Variants in SV2C observed in about 807,000 individuals in gnomAD.
The protein encoded by SV2C is synaptic vesicle glycoprotein 2C, also known as solute carrier family 22 member B3.
A neutral mutation model predicts 79.7 loss-of-function variants in SV2C; 49 were observed. The observed-to-expected ratio is 0.61, with a 90% CI of 0.49 to 0.78. SV2C has a LOEUF of 0.78. SV2C is among the 30% of genes least tolerant of loss of function. The pLI, the probability that SV2C is intolerant of heterozygous loss-of-function variation, is 0.00. For missense variants in SV2C, 833 were observed against 912.9 expected (o/e 0.91, Z 1.13); for synonymous variants, 334 against 333.2 (o/e 1.00, Z -0.03).
chr5:76,049,051 G>A, the SV2C span, among the ~76,000 whole-genome samples: 2 of 126,946 alleles, frequency 1.6e-5, no homozygotes, highest in Non-Finnish European at 1.7e-5. Flanking sequence ...GGAGGGGAGG[G>A]GAGGGGCTGG....
the SV2C span, among the ~76,000 whole-genome samples, chr5:76,045,483 A>C: frequency 1.3e-5 from 2 of 152,220 alleles, no homozygotes; most frequent in African/African-American, 2.4e-5. Context: ...AATAGCATTG[A>C]AACTATAAAT....
At chr5:76,020,349 T>A in the SV2C span, among the ~76,000 whole-genome samples, 2 of 152,184 alleles carry the variant, frequency 1.3e-5, no homozygotes, top group African/African-American at 4.8e-5. Context: ...TATGGACCAA[T>A]GGCCATTGTA....
intron 4 of SV2C, among the ~76,000 whole-genome samples, chr5:76,216,971 T>A (rs1744922088): frequency 6.6e-6 from 1 of 152,240 alleles, no homozygotes; most frequent in African/African-American, 2.4e-5. Flanking sequence ...CATGTGCGCA[T>A]CAGATGAGGT....
intron 4 of SV2C, among the ~76,000 whole-genome samples, chr5:76,251,957 A>C (rs1189316623): frequency 6.6e-6 from 1 of 152,202 alleles, no homozygotes; most frequent in Non-Finnish European, 1.5e-5. Flanking sequence ...TACCTCATTC[A>C]AGCCTGCAGA....
At chr5:76,268,414 T>C (rs1287955743) in intron 4 of SV2C, among the ~76,000 whole-genome samples, 2 of 152,180 alleles carry the variant, frequency 1.3e-5, no homozygotes, top group Non-Finnish European at 2.9e-5. Flanking sequence ...AAGAGAACAC[T>C]GATTCCCAGC....
chr5:76,104,961 G>T (rs1747860540), intron 1 of SV2C, among the ~76,000 whole-genome samples: 1 of 152,178 alleles, frequency 6.6e-6, no homozygotes, highest in Non-Finnish European at 1.5e-5. Flanking sequence ...TGCAGAAGCT[G>T]TCTCTATGGG....
At chr5:76,171,719 A>G (rs1743272024) in intron 2 of SV2C, among the ~76,000 whole-genome samples, 1 of 128,778 alleles carries the variant, frequency 7.8e-6, no homozygotes, top group Non-Finnish European at 1.7e-5. Context: ...TGGGGGGGTC[A>G]GCCCCCCGCC....
chr5:76,173,652 T>A, intron 2 of SV2C: 1 of 1,613,562 alleles, frequency 6.2e-7, no homozygotes, highest in East Asian at 2.2e-5. Flanking sequence ...CATGATGACT[T>A]TTTGCGAGCC....
rs567447761 is a variant in SV2C at position 76,118,949 on chromosome 5, C to A, written c.-101-12701C>A. Among the ~76,000 whole-genome samples, 8 of 152,284 alleles carry A rather than the reference C, an allele frequency of 5.3e-5. No homozygotes were observed. In the South Asian group the frequency reaches 1.7e-3, roughly 32 times the overall value. Reference sequence around the variant, plus strand: ...GGTGAGCCAAGATCGTGCCACTGTACTCCAGCCTGGGCAACAAAGCGAGAC... The same window carrying A: ...GGTGAGCCAAGATCGTGCCACTGTAATCCAGCCTGGGCAACAAAGCGAGAC... On this transcript the variant is annotated intron_variant, in intron 1 of 12. Coordinates refer to ENST00000502798, the MANE Select transcript of SV2C (RefSeq NM_014979.4).
At chr5:76,223,569 A>C (rs1208922158) in intron 4 of SV2C, among the ~76,000 whole-genome samples, 1 of 148,864 alleles carries the variant, frequency 6.7e-6, no homozygotes. Flanking sequence ...CCCACATTTG[A>C]TAAATCCTGA....
intron 3 of SV2C, among the ~76,000 whole-genome samples, chr5:76,195,726 T>C (rs1378054382): frequency 6.6e-6 from 1 of 152,092 alleles, no homozygotes; most frequent in East Asian, 1.9e-4. Context: ...AAAAACCTAA[T>C]AGCTGAATAA....
the SV2C span, among the ~76,000 whole-genome samples, chr5:75,871,444 G>A: frequency 6.6e-6 from 1 of 152,112 alleles, no homozygotes; most frequent in Non-Finnish European, 1.5e-5. Flanking sequence ...CAAGTGATAA[G>A]ACTGTTTATG....
At chr5:75,881,881 T>C in the SV2C span, among the ~76,000 whole-genome samples, 1 of 146,670 alleles carries the variant, frequency 6.8e-6, no homozygotes, top group South Asian at 2.1e-4. Flanking sequence ...GTGCCAGTTT[T>C]CAAAGGGAAT....
At chr5:75,956,598 G>A in the SV2C span, among the ~76,000 whole-genome samples, 4 of 151,808 alleles carry the variant, frequency 2.6e-5, no homozygotes, top group Admixed American at 6.6e-5. Flanking sequence ...AGGGTAGCTC[G>A]GGTTGAAAAT....
At chr5:76,067,127 T>C in the SV2C span, among the ~76,000 whole-genome samples, 1 of 152,232 alleles carries the variant, frequency 6.6e-6, no homozygotes, top group South Asian at 2.1e-4. Flanking sequence ...CAAAAAGATA[T>C]TGTCACTTTG....
At chr5:76,179,874 C>T (rs1325633522) in intron 2 of SV2C, among the ~76,000 whole-genome samples, 2 of 152,132 alleles carry the variant, frequency 1.3e-5, no homozygotes, top group Non-Finnish European at 2.9e-5. Context: ...TCTCTTTAGA[C>T]ATTTACTGGA....
chr5:76,103,625 A>G (rs1192168148), intron 1 of SV2C, among the ~76,000 whole-genome samples: 1 of 152,224 alleles, frequency 6.6e-6, no homozygotes, highest in Non-Finnish European at 1.5e-5. Context: ...CTAGTTACTT[A>G]TATTAAGTTT....
At chr5:76,195,445 CTAAT>C (rs1440392724) in intron 3 of SV2C, among the ~76,000 whole-genome samples, 3 of 152,156 alleles carry the variant, frequency 2.0e-5, no homozygotes, top group African/African-American at 7.2e-5. Context: ...CTGTTATGAA[CTAAT>C]TAAAGGTTTG....
intron 4 of SV2C, among the ~76,000 whole-genome samples, chr5:76,271,716 C>T (rs563498490): frequency 6.6e-6 from 1 of 151,014 alleles, no homozygotes; most frequent in South Asian, 2.1e-4. Context: ...ATCTGCCCGC[C>T]TCAGCCTCCC....
Sources: allele counts gnomAD v4.1 joint callset (sites outside exome capture counted in the v4.1 genomes callset), GRCh38; gene constraint gnomAD v4.1.1; transcripts MANE v1.5; gene names NCBI Gene and HGNC (gene_info 2026-07-23, HGNC 2026-07-21).